Variants in FAF1 observed in about 807,000 individuals in gnomAD.
FAF1 encodes Fas associated factor 1, also known as FAS-associated factor 1.
In FAF1, 25 loss-of-function variants were observed where a neutral mutation model predicts 92.5. The ratio of observed to expected loss-of-function variants is 0.27; its 90% CI spans 0.20 to 0.38. FAF1 has a LOEUF of 0.38. FAF1 is among the 10% of genes least tolerant of loss of function. The pLI is 1.00. For missense variants in FAF1, 636 were observed against 793.3 expected (o/e 0.80, Z 2.38); for synonymous variants, 234 against 273.2 (o/e 0.86, Z 1.42).
intron 2 of FAF1, among the ~76,000 whole-genome samples, chr1:50,821,245 G>A (rs1004483663): frequency 6.6e-6 from 1 of 152,130 alleles, no homozygotes; most frequent in Non-Finnish European, 1.5e-5. Flanking sequence ...TGCCAGTGGA[G>A]CATAAATATC....
intron 17 of FAF1, among the ~76,000 whole-genome samples, chr1:50,489,161 T>C (rs919317397): frequency 6.6e-6 from 1 of 152,238 alleles, no homozygotes; most frequent in Non-Finnish European, 1.5e-5. Flanking sequence ...TTGCTGTTAC[T>C]CCTAGACAGG....
At chr1:50,875,302 C>G (rs960791108) in intron 1 of FAF1, among the ~76,000 whole-genome samples, 1 of 151,966 alleles carries the variant, frequency 6.6e-6, no homozygotes, top group East Asian at 1.9e-4. Context: ...ATATTTATCA[C>G]GTACAATATA....
intron 6 of FAF1, among the ~76,000 whole-genome samples, chr1:50,726,346 G>A (rs1326644429): frequency 1.3e-5 from 2 of 152,066 alleles, no homozygotes; most frequent in Admixed American, 6.6e-5. Context: ...CTTGTAAAAG[G>A]GACAACTACA....
intron 15 of FAF1, among the ~76,000 whole-genome samples, chr1:50,502,347 A>G (rs1368237407): frequency 6.6e-6 from 1 of 152,194 alleles, no homozygotes; most frequent in Non-Finnish European, 1.5e-5. Flanking sequence ...AAAACAGGAT[A>G]TGGAGAGAAG....
At chr1:50,883,308 G>C (rs1343108989) in intron 1 of FAF1, among the ~76,000 whole-genome samples, 1 of 152,078 alleles carries the variant, frequency 6.6e-6, no homozygotes, top group African/African-American at 2.4e-5. Flanking sequence ...TTTAAAAATG[G>C]ATTTTTATTT....
intron 4 of FAF1, among the ~76,000 whole-genome samples, chr1:50,772,772 T>C (rs1281421975): frequency 6.6e-6 from 1 of 152,156 alleles, no homozygotes; most frequent in East Asian, 1.9e-4. Flanking sequence ...ACCTGGGTGA[T>C]GAAATAATCT....
intron 4 of FAF1, 56 bp from the exon 5 acceptor site, chr1:50,744,831 G>T: frequency 9.4e-7 from 1 of 1,064,130 alleles, no homozygotes; most frequent in Non-Finnish European, 1.4e-6. Flanking sequence ...GTTAACATTT[G>T]TCCATATCCA....
intron 15 of FAF1, among the ~76,000 whole-genome samples, chr1:50,527,832 TCTCTCTCTCTCC>T (rs1269054125): frequency 1.8e-4 from 24 of 132,736 alleles, no homozygotes; most frequent in African/African-American, 6.6e-4. Flanking sequence ...TCTCTCTCTC[TCTCTCTCTCTCC>T]CTCTCTCCCT....
At chr1:50,857,335 C>T (rs1159907245) in intron 2 of FAF1, among the ~76,000 whole-genome samples, 1 of 151,504 alleles carries the variant, frequency 6.6e-6, no homozygotes, top group Non-Finnish European at 1.5e-5. Flanking sequence ...ATTTCTAAGG[C>T]ATTAAGAGAC....
intron 6 of FAF1, among the ~76,000 whole-genome samples, chr1:50,723,398 CAA>C (rs539161759): frequency 3.0e-4 from 36 of 118,078 alleles, no homozygotes; most frequent in Admixed American, 4.3e-4. Context: ...AGACTGTCTC[CAA>C]AAAAAAAAAA....
chr1:50,804,933 G>A (rs979605959), intron 2 of FAF1, among the ~76,000 whole-genome samples: 3 of 152,060 alleles, frequency 2.0e-5, no homozygotes, highest in African/African-American at 7.2e-5. Context: ...TCAGATGGAG[G>A]GGATACTTTT....
At chr1:50,542,117 C>T (rs558825997) in intron 13 of FAF1, among the ~76,000 whole-genome samples, 3 of 152,266 alleles carry the variant, frequency 2.0e-5, no homozygotes, top group Non-Finnish European at 2.9e-5. Context: ...ACACAACCAG[C>T]TGACACTTTA....
intron 1 of FAF1, among the ~76,000 whole-genome samples, chr1:50,893,381 C>T (rs893801577): frequency 3.9e-5 from 6 of 152,190 alleles, no homozygotes; most frequent in Non-Finnish European, 7.3e-5. Flanking sequence ...CTAAGTCATA[C>T]CTGCATTAGG....
At position 50,649,178 on chromosome 1, in the gene FAF1, A is replaced by AGG. The variant is rs1654746328; in HGVS notation, c.744+6263_744+6264insCC. 5.3e-5 allele frequency among the ~76,000 whole-genome samples: 8 copies of AGG among 150,762 alleles called. No individual in the cohort carries two copies. In the South Asian group the frequency reaches 1.7e-3, roughly 32 times the overall value. On this transcript the variant is annotated intron_variant, in intron 8 of 18. Coordinates refer to ENST00000396153, the MANE Select transcript of FAF1 (RefSeq NM_007051.3). ...CATTTTAATTTTTTTTTTTTTAGAC[A>AGG]GAGTTTTGCTCTTGTTGCCCAGGCT...
In FAF1 at chr1:50,584,821, G is replaced by T. The variant is rs766539923; in HGVS notation, c.841-10C>A. 1.9e-6 allele frequency: 3 copies of T among 1,611,734 alleles called. No homozygotes were observed. The East Asian group carries it at 6.7e-5, about 36-fold the overall frequency. ...GAACATCGGTGATTTGCTATTTAAG[G>T]AAAGTCCTGATTAGTTTCATATTGA... On this transcript the variant is annotated splice_polypyrimidine_tract_variant and intron_variant, in intron 9 of 18. Coordinates refer to ENST00000396153, the MANE Select transcript of FAF1 (RefSeq NM_007051.3).
At chr1:50,517,208 T>G (rs1261187658) in intron 15 of FAF1, among the ~76,000 whole-genome samples, 1 of 152,152 alleles carries the variant, frequency 6.6e-6, no homozygotes, top group African/African-American at 2.4e-5. Flanking sequence ...GCAAATCTTT[T>G]TCCCCAGCCC....
intron 15 of FAF1, among the ~76,000 whole-genome samples, chr1:50,530,375 A>G (rs919063879): frequency 6.6e-6 from 1 of 151,292 alleles, no homozygotes; most frequent in African/African-American, 2.4e-5. Context: ...GTTTTGCTTT[A>G]ATTTTTGTAC....
At chr1:50,669,549 A>G (rs1655777028) in intron 7 of FAF1, among the ~76,000 whole-genome samples, 1 of 152,058 alleles carries the variant, frequency 6.6e-6, no homozygotes, top group Non-Finnish European at 1.5e-5. Context: ...TGATTTAAAC[A>G]TATAGTTGAT....
chr1:50,959,787 T>C lies in FAF1; in HGVS notation c.25A>G (p.Met9Val), dbSNP rs867846185. The change falls in exon 1 of 19, where the codon ATG (methionine) becomes GTG (valine). Residue 9 changes from methionine (M) to valine (V), a missense_variant. By Grantham distance (21) the Met-to-Val change is conservative (BLOSUM62 1). This residue lies in a region of FAF1 where 317 missense variants were observed against 342.4 expected (regional missense o/e 0.93). Transcript: ENST00000396153. ...TTCACCTGAAAATCCGCCAGGATCA[T>C]CTCCCGGTCCATGTTGGACGCCATG... is the stretch of plus-strand genomic sequence containing the variant. Reference protein sequence around the residue: MASNMDREMILADFQACTG... With the variant: MASNMDREVILADFQACTG... 2.5e-6 allele frequency: 4 copies of C among 1,600,452 alleles called. No homozygotes were observed. The highest frequency in any genetic ancestry group is 2.7e-5 in the African/African-American group (2 of 73,734).
Sources: gnomAD v4.1 joint callset for allele counts (sites outside exome capture counted in the v4.1 genomes callset) on GRCh38, gnomAD v4.1.1 for gene constraint, gnomAD v4.1.1 regional missense constraint, MANE v1.5 for transcripts, NCBI Gene and HGNC (gene_info 2026-07-23, HGNC 2026-07-21) for gene names.